The following PSD3 variants were observed in gnomAD, a reference collection of about 807,000 sequenced individuals.
PSD3 encodes the protein PH and SEC7 domain-containing protein 3.
A neutral mutation model predicts 105.5 loss-of-function variants in PSD3; 49 were observed. The observed-to-expected ratio is 0.46, with a 90% CI of 0.37 to 0.59. The LOEUF is 0.59. Ranked by LOEUF, PSD3 falls within the 20% of genes least tolerant of loss-of-function variation. The pLI is 0.00. For missense variants in PSD3, 1,561 were observed against 1,263.8 expected (o/e 1.24, Z -3.57); for synonymous variants, 557 against 457.8 (o/e 1.22, Z -2.77).
intron 9 of PSD3, among the ~76,000 whole-genome samples, chr8:18,688,827 G>T (rs1244909055): frequency 6.6e-6 from 1 of 152,216 alleles, no homozygotes; most frequent in East Asian, 1.9e-4. Context: ...AGCCTGTACA[G>T]AGACAGCCGA....
At position 18,804,792 on chromosome 8, in the gene PSD3, T is replaced by A; in HGVS notation, c.1741A>T (p.Asn581Tyr). Residue 581 changes from asparagine (N) to tyrosine (Y), a missense_variant, in exon 5 of 16, where the codon AAT (asparagine) becomes TAT (tyrosine). Coordinates refer to ENST00000327040, the MANE Select transcript of PSD3 (RefSeq NM_015310.4). Reference protein sequence around the residue: ...PENLSNGTSSNVEAAKRLAKR... With the variant: ...PENLSNGTSSYVEAAKRLAKR... ...GCCAACCTTTTGGCTGCTTCCACAT[T>A]GCTGCTGGTACCATTACTGAGATTT... The A allele has an allele frequency of 6.2e-7, 1 of 1,614,174 alleles. No individual in the cohort carries two copies.
At chr8:18,536,057 T>C in intron 15 of PSD3, 99 bp from the exon 16 acceptor site, 1 of 1,162,436 alleles carries the variant, frequency 8.6e-7, no homozygotes, top group Non-Finnish European at 1.2e-6. Context: ...TGTGAATGGC[T>C]GTTGAAGACT....
chr8:18,923,050 C>T (rs1821136695), intron 2 of PSD3, among the ~76,000 whole-genome samples: 1 of 152,166 alleles, frequency 6.6e-6, no homozygotes, highest in East Asian at 1.9e-4. Flanking sequence ...CCTCTCCCCT[C>T]CCCAGAGGTT....
chr8:18,745,029 G>C (rs186146580), intron 9 of PSD3, among the ~76,000 whole-genome samples: 30 of 152,316 alleles, frequency 2.0e-4, no homozygotes, highest in East Asian at 1.3e-3. Flanking sequence ...GTGATGTTAA[G>C]TGATGTTATC....
chr8:18,618,825 C>T (rs185036974), intron 11 of PSD3, among the ~76,000 whole-genome samples: 37 of 152,132 alleles, frequency 2.4e-4, no homozygotes, highest in Admixed American at 9.8e-4. Flanking sequence ...GGTCTAGGGG[C>T]GTATGCTACC....
intron 9 of PSD3, among the ~76,000 whole-genome samples, chr8:18,765,027 A>T (rs982500467): frequency 1.5e-4 from 23 of 152,212 alleles, no homozygotes; most frequent in African/African-American, 5.1e-4. Flanking sequence ...AATTTAATCT[A>T]TTTCCAGAGA....
At chr8:18,750,602 C>T (rs561170290) in intron 9 of PSD3, among the ~76,000 whole-genome samples, 1 of 152,090 alleles carries the variant, frequency 6.6e-6, no homozygotes, top group East Asian at 1.9e-4. Flanking sequence ...CCACTGCTGG[C>T]TCCGGCAGCC....
intron 9 of PSD3, among the ~76,000 whole-genome samples, chr8:18,689,568 C>T (rs1288396208): frequency 6.6e-6 from 1 of 152,160 alleles, no homozygotes; most frequent in Non-Finnish European, 1.5e-5. Context: ...GGAACTCAGC[C>T]TCAGCCTATT....
intron 1 of PSD3, among the ~76,000 whole-genome samples, chr8:19,055,371 A>G (rs914895844): frequency 4.0e-5 from 6 of 151,188 alleles, no homozygotes; most frequent in Non-Finnish European, 1.5e-5. Context: ...GTCCTGCCTC[A>G]GCCTCCCACG....
intron 4 of PSD3, among the ~76,000 whole-genome samples, chr8:18,828,067 A>ATATATAT (rs371473289): frequency 9.3e-4 from 111 of 118,876 alleles, no homozygotes; most frequent in African/African-American, 3.1e-3. Context: ...ATATATATAT[A>ATATATAT]TTTTTTTTTT....
chr8:19,065,866 G>C (rs1462430749), intron 1 of PSD3, among the ~76,000 whole-genome samples: 1 of 152,182 alleles, frequency 6.6e-6, no homozygotes, highest in Admixed American at 6.5e-5. Context: ...GGGTGGGGCT[G>C]AAAGTCCCAA....
chr8:18,554,140 C>A (rs921444901), intron 15 of PSD3, among the ~76,000 whole-genome samples: 2 of 152,192 alleles, frequency 1.3e-5, no homozygotes, highest in African/African-American at 4.8e-5. Context: ...TGCAGCCACC[C>A]CCCACCTCCT....
intron 9 of PSD3, among the ~76,000 whole-genome samples, chr8:18,754,362 C>T (rs887968178): frequency 1.1e-4 from 17 of 152,046 alleles, no homozygotes; most frequent in Middle Eastern, 3.2e-3. Flanking sequence ...CCAGCCTGGG[C>T]GACAGGGTGA....
chr8:18,574,687 A>C (rs1049834751), intron 13 of PSD3, among the ~76,000 whole-genome samples: 1 of 152,164 alleles, frequency 6.6e-6, no homozygotes, highest in African/African-American at 2.4e-5. Context: ...ATACACACTT[A>C]TCTCACTGAC....
intron 1 of PSD3, among the ~76,000 whole-genome samples, chr8:19,001,309 C>T (rs1483723211): frequency 2.6e-5 from 4 of 151,400 alleles, no homozygotes; most frequent in African/African-American, 4.9e-5. Flanking sequence ...TGCCCAGGCC[C>T]GTAGACTTTA....
At chr8:18,760,326 A>G (rs1806414595) in intron 9 of PSD3, among the ~76,000 whole-genome samples, 1 of 152,192 alleles carries the variant, frequency 6.6e-6, no homozygotes, top group Admixed American at 6.5e-5. Flanking sequence ...TATTAACTAT[A>G]GTCACCATGC....
At chr8:18,653,670 C>A (rs145201396) in intron 10 of PSD3, among the ~76,000 whole-genome samples, 69 of 152,148 alleles carry the variant, frequency 4.5e-4, no homozygotes, top group African/African-American at 1.5e-3. Flanking sequence ...TGGGTAAACT[C>A]CCGCCCCTCC....
At position 18,530,432 on chromosome 8, in the gene PSD3, T is replaced by C. The variant is rs373968851; in HGVS notation, c.*5311A>G. 1 of 152,660 alleles carries C rather than the reference T, an allele frequency of 6.6e-6. No homozygotes were observed. The highest frequency in any genetic ancestry group is 1.9e-4 in the East Asian group (1 of 5,188). 9.5% of individuals were successfully genotyped at this position (152,660 alleles called of 1,614,324 possible). ...ATGCCCTGATATACTTTAGTGCTTG[T>C]GATATTTCTTCCAAGTCAAGCGAGT... On this transcript the variant is annotated 3_prime_UTR_variant, in exon 16 of 16. Transcript: ENST00000327040.
intron 1 of PSD3, among the ~76,000 whole-genome samples, chr8:19,054,364 C>T (rs779187093): frequency 6.6e-6 from 1 of 152,068 alleles, no homozygotes; most frequent in Non-Finnish European, 1.5e-5. Context: ...AATGCAGGGA[C>T]AATGGCTACC....
Sources: allele counts gnomAD v4.1 joint callset (sites outside exome capture counted in the v4.1 genomes callset), GRCh38; gene constraint gnomAD v4.1.1; transcripts MANE v1.5; gene names NCBI Gene and HGNC (gene_info 2026-07-23, HGNC 2026-07-21).